The following PPP4R2 variants were observed in gnomAD, a reference collection of about 807,000 sequenced individuals.
PPP4R2 encodes the protein serine/threonine-protein phosphatase 4 regulatory subunit 2.
In PPP4R2, 13 loss-of-function variants were observed where a neutral mutation model predicts 47.2. The observed-to-expected ratio is 0.28, with a 90% CI of 0.18 to 0.44. The LOEUF (loss-of-function observed/expected upper bound fraction) is 0.44. Ranked by LOEUF, PPP4R2 falls within the 20% of genes least tolerant of loss-of-function variation. PPP4R2 has a pLI of 1.00. For synonymous variants in PPP4R2, 151 were observed against 163.3 expected, an observed-to-expected ratio of 0.92 and a Z score of 0.57; for missense variants, 421 against 491.2, an observed-to-expected ratio of 0.86 and a Z score of 1.35.
At chr3:73,002,787 A>T (rs1474192741) in intron 2 of PPP4R2, among the ~76,000 whole-genome samples, 4 of 151,260 alleles carry the variant, frequency 2.6e-5, no homozygotes, top group Non-Finnish European at 4.4e-5. Flanking sequence ...GATTACAGGC[A>T]TGCGCCACCA....
At chr3:73,027,669 T>TGTGTGTGTGG (rs1198077228) in intron 2 of PPP4R2, 14 of 149,168 alleles carry the variant, frequency 9.4e-5, no homozygotes, top group African/African-American at 3.4e-4. Flanking sequence ...GGTGTGTGTG[T>TGTGTGTGTGG]GTGTGTGTGT....
intron 2 of PPP4R2, among the ~76,000 whole-genome samples, chr3:73,011,306 C>G (rs185050461): frequency 6.6e-6 from 1 of 152,056 alleles, no homozygotes; most frequent in African/African-American, 2.4e-5. Flanking sequence ...ATGGTGAAAC[C>G]CTGCCTCTAC....
At position 73,062,386 on chromosome 3, in the gene PPP4R2, A is replaced by G; in HGVS notation, c.420-1287A>G. On this transcript the variant is annotated intron_variant, in intron 5 of 8. Transcript: ENST00000356692. ...CAACCCAGCATTGGGGATATTAAGGACATTAAAAAAGCAGCCAAGTCTATG... is the reference window on the plus strand; with the variant it reads ...CAACCCAGCATTGGGGATATTAAGGGCATTAAAAAAGCAGCCAAGTCTATG... 2.5e-6 allele frequency: 4 copies of G among 1,607,228 alleles called. No homozygotes were observed. The South Asian group carries it at 3.3e-5, about 13-fold the overall frequency.
chr3:73,028,590 G>A (rs775324478), intron 2 of PPP4R2, among the ~76,000 whole-genome samples: 6 of 151,960 alleles, frequency 3.9e-5, no homozygotes, highest in East Asian at 1.9e-4. Context: ...ACAGATGCGC[G>A]CCACCATGCC....
intron 2 of PPP4R2, among the ~76,000 whole-genome samples, chr3:73,043,311 T>C (rs1350437943): frequency 6.7e-6 from 1 of 148,680 alleles, no homozygotes; most frequent in African/African-American, 2.5e-5. Flanking sequence ...AAATTAAAAA[T>C]TAAAAATTCT....
chr3:73,019,067 A>C (rs1000986777), intron 2 of PPP4R2, among the ~76,000 whole-genome samples: 1 of 152,214 alleles, frequency 6.6e-6, no homozygotes, highest in Non-Finnish European at 1.5e-5. Flanking sequence ...TGGACCACAT[A>C]TATGATGGTG....
At chr3:73,048,388 A>G (rs1702534029) in intron 3 of PPP4R2, among the ~76,000 whole-genome samples, 1 of 151,998 alleles carries the variant, frequency 6.6e-6, no homozygotes, top group Non-Finnish European at 1.5e-5. Context: ...TAGCTAGGCT[A>G]GGACCACAGG....
intron 3 of PPP4R2, among the ~76,000 whole-genome samples, chr3:73,055,498 G>T (rs548992723): frequency 1.3e-5 from 2 of 151,300 alleles, no homozygotes; most frequent in South Asian, 2.1e-4. Flanking sequence ...GATCCTTAAT[G>T]TGTGGGGCGG....
chr3:73,026,427 C>T (rs1263301857), intron 2 of PPP4R2, among the ~76,000 whole-genome samples: 1 of 152,124 alleles, frequency 6.6e-6, no homozygotes, highest in Admixed American at 6.6e-5. Flanking sequence ...CCTCCATTGA[C>T]CCTGAATTAG....
chr3:73,025,310 G>A (rs1396209740), intron 2 of PPP4R2, among the ~76,000 whole-genome samples: 1 of 152,142 alleles, frequency 6.6e-6, no homozygotes, highest in Non-Finnish European at 1.5e-5. Flanking sequence ...GTGTCAGTGG[G>A]AATCACCTTC....
chr3:73,024,850 A>G (rs1702030858), intron 2 of PPP4R2, among the ~76,000 whole-genome samples: 1 of 152,206 alleles, frequency 6.6e-6, no homozygotes, highest in Admixed American at 6.5e-5. Context: ...AGAAAACTAG[A>G]AAAGAAGGGA....
chr3:73,041,371 CAG>C (rs1295379511), intron 2 of PPP4R2, among the ~76,000 whole-genome samples: 2 of 152,160 alleles, frequency 1.3e-5, no homozygotes, highest in Non-Finnish European at 2.9e-5. Context: ...GTAAGCAACT[CAG>C]TGTTTTCTTA....
intron 2 of PPP4R2, among the ~76,000 whole-genome samples, chr3:73,012,162 A>T (rs1701738095): frequency 6.6e-6 from 1 of 152,218 alleles, no homozygotes; most frequent in African/African-American, 2.4e-5. Context: ...ACCTTTGCAC[A>T]TCCTTGGTGC....
intron 2 of PPP4R2, among the ~76,000 whole-genome samples, chr3:73,031,561 G>T (rs981602581): frequency 1.8e-4 from 27 of 150,122 alleles, no homozygotes; most frequent in Non-Finnish European, 4.0e-4. Context: ...AAGAAAAAAA[G>T]AAAGAAATAT....
chr3:73,051,203 C>T lies in PPP4R2; in HGVS notation c.287+3847C>T, dbSNP rs904166324. On this transcript the variant is annotated intron_variant, in intron 3 of 8. Transcript: ENST00000356692. The stretch of plus-strand genomic sequence containing the variant: ...GTGCTGGGATTACAGGCATGAGCCA[C>T]CGCACCTGGCCAGATTGTTACTTTT... 7.2e-5 allele frequency among the ~76,000 whole-genome samples: 11 copies of T among 152,358 alleles called. No individual in the cohort carries two copies. In the South Asian group the frequency reaches 1.9e-3, roughly 26 times the overall value.
At chr3:73,001,581 C>T (rs1701459139) in intron 2 of PPP4R2, among the ~76,000 whole-genome samples, 1 of 152,138 alleles carries the variant, frequency 6.6e-6, no homozygotes, top group African/African-American at 2.4e-5. Context: ...CTCAAACACA[C>T]ACATGCACAC....
chr3:73,006,290 C>G (rs1701608513), intron 2 of PPP4R2, among the ~76,000 whole-genome samples: 1 of 149,164 alleles, frequency 6.7e-6, no homozygotes, highest in Admixed American at 6.8e-5. Flanking sequence ...ACCTCTGCCT[C>G]CAGGTTCAAG....
At chr3:73,003,182 T>C (rs955485203) in intron 2 of PPP4R2, among the ~76,000 whole-genome samples, 1 of 151,786 alleles carries the variant, frequency 6.6e-6, no homozygotes, top group African/African-American at 2.4e-5. Context: ...GTCTCCCTTG[T>C]CTGAGCATAT....
At chr3:73,035,723 C>T (rs970532316) in intron 2 of PPP4R2, among the ~76,000 whole-genome samples, 19 of 152,008 alleles carry the variant, frequency 1.2e-4, no homozygotes, top group African/African-American at 4.3e-4. Flanking sequence ...CTCCTGAGTT[C>T]AAGTGATTCT....
Sources: gnomAD v4.1 joint callset for allele counts (sites outside exome capture counted in the v4.1 genomes callset) on GRCh38, gnomAD v4.1.1 for gene constraint, MANE v1.5 for transcripts, NCBI Gene and HGNC (gene_info 2026-07-23, HGNC 2026-07-21) for gene names.